The following C3orf52 variants were observed in gnomAD, a reference collection of about 807,000 sequenced individuals.
The protein encoded by C3orf52 is chromosome 3 open reading frame 52, also known as TPA-induced transmembrane protein.
C3orf52 carries 22 observed loss-of-function variants against 24.8 expected under a neutral mutation model. The observed-to-expected ratio is 0.89, with a 90% CI of 0.63 to 1.27. The LOEUF (loss-of-function observed/expected upper bound fraction) is 1.27. Ranked by LOEUF, C3orf52 falls within the 50% of genes most tolerant of loss-of-function variation. The probability of loss-of-function intolerance (pLI) is 0.00; values close to 1 mark genes in which losing one functional copy is unlikely to be tolerated. For missense variants in C3orf52, 265 were observed against 260.7 expected, an observed-to-expected ratio of 1.02 and a Z score of -0.11; for synonymous variants, 93 against 100.2, an observed-to-expected ratio of 0.93 and a Z score of 0.43.
chr3:112,101,097 T>C (rs974534863), intron 2 of C3orf52, among the ~76,000 whole-genome samples: 3 of 152,184 alleles, frequency 2.0e-5, no homozygotes, highest in East Asian at 1.9e-4. Context: ...TCATGACTTA[T>C]AACAATTAAG....
intron 1 of C3orf52, among the ~76,000 whole-genome samples, chr3:112,092,620 G>A (rs757985406): frequency 6.6e-6 from 1 of 152,196 alleles, no homozygotes. Context: ...ACCCTGAAGG[G>A]CTGTTAGGGT....
intron 2 of C3orf52, among the ~76,000 whole-genome samples, chr3:112,096,045 G>A (rs1559970757): frequency 6.6e-6 from 1 of 152,162 alleles, no homozygotes; most frequent in Non-Finnish European, 1.5e-5. Context: ...GATTTACTGG[G>A]TGACTAAGGT....
intron 1 of C3orf52, among the ~76,000 whole-genome samples, chr3:112,089,031 T>A (rs1170655469): frequency 6.6e-6 from 1 of 152,234 alleles, no homozygotes; most frequent in Non-Finnish European, 1.5e-5. Flanking sequence ...AACTCCACTT[T>A]GCCTGCTGTC....
In C3orf52 at chr3:112,095,255, G is replaced by T. The variant is rs1391216274; in HGVS notation, c.268+1766G>T. ...CGTCATGCTGAGGACAATAGTTTTG[G>T]TGTGAGCATTGCCATACTTCCTATT... On this transcript the variant is annotated intron_variant, in intron 2 of 5. Coordinates refer to ENST00000264848, the MANE Select transcript of C3orf52 (RefSeq NM_024616.3). Among the ~76,000 whole-genome samples, 9 of 152,316 alleles carry T rather than the reference G, an allele frequency of 5.9e-5. No homozygotes were observed. In the East Asian group the frequency reaches 1.5e-3, roughly 26 times the overall value.
intron 1 of C3orf52, 54 bp from the exon 2 acceptor site, chr3:112,093,306 G>C: frequency 1.3e-6 from 2 of 1,599,522 alleles, no homozygotes; most frequent in Non-Finnish European, 1.7e-6. Context: ...TAGGTATTCA[G>C]AACTGTCTGT....
intron 3 of C3orf52, among the ~76,000 whole-genome samples, chr3:112,108,878 C>T (rs553005182): frequency 6.6e-6 from 1 of 152,170 alleles, no homozygotes; most frequent in Non-Finnish European, 1.5e-5. Context: ...AGAGGAGGAA[C>T]TGAATAGTAT....
At chr3:112,095,245 A>G (rs1466841551) in intron 2 of C3orf52, among the ~76,000 whole-genome samples, 1 of 152,194 alleles carries the variant, frequency 6.6e-6, no homozygotes, top group South Asian at 2.1e-4. Context: ...TGCTGAGGAC[A>G]ATAGTTTTGG....
chr3:112,098,728 G>T (rs2073947204), intron 2 of C3orf52, among the ~76,000 whole-genome samples: 2 of 152,154 alleles, frequency 1.3e-5, no homozygotes, highest in African/African-American at 4.8e-5. Flanking sequence ...GCACACATTT[G>T]CTGTCTGGTG....
At position 112,093,518 on chromosome 3, in the gene C3orf52, C is replaced by G. The variant is rs372546510; in HGVS notation, c.268+29C>G. ...AGAGGATTTAGATGTGAATAAATAA[C>G]ACATTTTAAGAACTTACTTAAGGCT... On this transcript the variant is annotated intron_variant, in intron 2 of 5. Coordinates refer to ENST00000264848, the MANE Select transcript of C3orf52 (RefSeq NM_024616.3). 99 of 1,596,942 alleles carry G rather than the reference C, an allele frequency of 6.2e-5. 1 individual carries two copies. The highest frequency in any genetic ancestry group is 8.3e-5 in the Non-Finnish European group (97 of 1,169,528).
chr3:112,116,631 T>G lies in C3orf52; in HGVS notation c.650-11T>G. 1.3e-6 allele frequency: 2 copies of G among 1,555,218 alleles called. No individual in the cohort carries two copies. The highest frequency in any genetic ancestry group is 1.7e-6 in the Non-Finnish European group (2 of 1,148,048). On this transcript the variant is annotated splice_polypyrimidine_tract_variant and intron_variant, in intron 5 of 5. Transcript: ENST00000264848. The stretch of plus-strand genomic sequence containing the variant: ...ATCAGTAACTTTTGTTCATCTGTGT[T>G]TTCTTTTTAGAATGAAGTGATGGAG...
chr3:112,121,473 G>A (rs1449415072), downstream of C3orf52: 1 of 152,252 alleles, frequency 6.6e-6, no homozygotes, highest in Non-Finnish European at 1.5e-5. Context: ...TGGTGAAGAA[G>A]CTGAGCCTCC....
At chr3:112,135,899 C>T (rs2074546640), downstream of C3orf52, among the ~76,000 whole-genome samples, 1 of 152,102 alleles carries the variant, frequency 6.6e-6, no homozygotes, top group Admixed American at 6.6e-5. Context: ...TTGTCAAATA[C>T]TACTCCCACC....
rs141065439 is a variant in C3orf52, at chr3:112,112,921, G to A, written c.468-43G>A. 1.5e-3 allele frequency: 2,188 copies of A among 1,495,666 alleles called. 2 individuals are homozygous for A. Among genetic ancestry groups the A allele is most frequent in the Non-Finnish European group, 1.8e-3 (2,002 of 1,083,254 alleles). 92.6% of individuals were successfully genotyped at this position (1,495,666 alleles called of 1,614,324 possible). A position where few individuals can be genotyped will look rare whatever the true frequency, so the allele number is the denominator to read the frequency against. The stretch of plus-strand genomic sequence containing the variant: ...GCTTAAATTCATTTCTTGAGTTGCA[G>A]TATGATGCTGTTTATGTTTTAATGT... On this transcript the variant is annotated intron_variant, in intron 4 of 5. Transcript: ENST00000264848.
At chr3:112,132,616 A>G (rs1363252254), downstream of C3orf52, 8 of 983,512 alleles carry the variant, frequency 8.1e-6, no homozygotes, top group Non-Finnish European at 9.7e-6. Context: ...TGCCTATTTA[A>G]TCTAGATGAC....
exon 5 of C3orf52, chr3:112,128,423 G>A (rs1305991835): frequency 2.6e-6 from 1 of 390,062 alleles, no homozygotes; most frequent in Non-Finnish European, 4.9e-6. Flanking sequence ...ATTTTTTTCA[G>A]GTATGGGTTA....
chr3:112,133,166 C>T (rs745789807), downstream of C3orf52: 3 of 1,608,538 alleles, frequency 1.9e-6, no homozygotes, highest in South Asian at 1.1e-5. Flanking sequence ...TTACCACTTC[C>T]TTCTTGCCTT....
rs199579112 is a variant in C3orf52, at chr3:112,105,570, G to GTGTGTGTGTGTGTT, written c.396+2606_396+2607insGTGTGTGTGTGTTT. On this transcript the variant is annotated intron_variant, in intron 3 of 5. Transcript: ENST00000264848. The stretch of plus-strand genomic sequence containing the variant: ...TGTGTGTGTGTGTGTGTGTGTGTGT[G>GTGTGTGTGTGTGTT]TTTTCCACACCAACCAATTATCTGC... Among the ~76,000 whole-genome samples, 273 of 134,030 alleles carry GTGTGTGTGTGTGTT rather than the reference G, an allele frequency of 2.0e-3. 1 individual carries two copies. Among genetic ancestry groups the GTGTGTGTGTGTGTT allele is most frequent in the African/African-American group, 7.1e-3 (263 of 37,250 alleles). The allele number at this position is 134,030 out of a possible 152,430, so 87.9% of individuals were successfully genotyped here.
At chr3:112,107,218 A>G (rs1269671618) in intron 3 of C3orf52, among the ~76,000 whole-genome samples, 4 of 151,022 alleles carry the variant, frequency 2.6e-5, no homozygotes, top group Non-Finnish European at 5.9e-5. Context: ...TAAAGGAAAG[A>G]AGGGAAGGAG....
At chr3:112,101,018 A>G (rs1035608283) in intron 2 of C3orf52, among the ~76,000 whole-genome samples, 1 of 152,170 alleles carries the variant, frequency 6.6e-6, no homozygotes, top group South Asian at 2.1e-4. Flanking sequence ...CTTTGTTACA[A>G]TTTCCTGCAC....
Sources: allele counts gnomAD v4.1 joint callset (sites outside exome capture counted in the v4.1 genomes callset), GRCh38; gene constraint gnomAD v4.1.1; transcripts MANE v1.5; gene names NCBI Gene and HGNC (gene_info 2026-07-23, HGNC 2026-07-21).